Variants in CIB2 observed in about 807,000 individuals in gnomAD.
CIB2 encodes calcium and integrin-binding family member 2.
Under a neutral mutation model 23.1 loss-of-function variants are expected in CIB2, and 19 were observed. That is an observed-to-expected ratio of 0.82 (90% CI 0.57 to 1.21). The LOEUF is 1.21. Ranked by LOEUF, CIB2 falls within the 50% of genes most tolerant of loss-of-function variation. The pLI, the probability that CIB2 is intolerant of heterozygous loss-of-function variation, is 0.00. For synonymous variants in CIB2, 94 were observed against 91.7 expected, an observed-to-expected ratio of 1.03 and a Z score of -0.14; for missense variants, 220 against 241.5, an observed-to-expected ratio of 0.91 and a Z score of 0.59.
chr15:78,115,958 A>G (rs1391728227), intron 2 of CIB2, among the ~76,000 whole-genome samples: 4 of 152,078 alleles, frequency 2.6e-5, no homozygotes, highest in African/African-American at 9.7e-5. Context: ...ATCCAGGTCC[A>G]TGAGTTCTGC....
intron 2 of CIB2, among the ~76,000 whole-genome samples, chr15:78,119,031 T>C (rs1056685233): frequency 6.6e-6 from 1 of 151,824 alleles, no homozygotes; most frequent in Non-Finnish European, 1.5e-5. Context: ...AATACAAAAA[T>C]TAGCCGAGCG....
intron 1 of CIB2, among the ~76,000 whole-genome samples, chr15:78,130,785 C>T (rs188447529): frequency 6.6e-6 from 1 of 152,316 alleles, no homozygotes; most frequent in African/African-American, 2.4e-5. Context: ...CTCTCCTGGG[C>T]TCCTTCCTGG....
At chr15:78,109,047 C>T (rs562794199) in intron 4 of CIB2, among the ~76,000 whole-genome samples, 188 bp downstream of exon 4, 53 of 152,338 alleles carry the variant, frequency 3.5e-4, no homozygotes, top group African/African-American at 7.0e-4. Flanking sequence ...TCTCAGGACC[C>T]TCACAGATGT....
chr15:78,130,242 C>T (rs61347580), intron 1 of CIB2, among the ~76,000 whole-genome samples: 19,528 of 152,022 alleles, frequency 0.13, 2,752 homozygotes, highest in African/African-American at 0.35. Flanking sequence ...AAGAGATCCT[C>T]TGGAGGGGGG....
intron 2 of CIB2, among the ~76,000 whole-genome samples, chr15:78,118,675 A>G (rs2074275133): frequency 6.6e-6 from 1 of 152,152 alleles, no homozygotes. Context: ...TAAAATGCAC[A>G]TGCCATAAAG....
chr15:78,110,767 G>A (rs769163757), intron 3 of CIB2: 15 of 457,802 alleles, frequency 3.3e-5, no homozygotes, highest in Admixed American at 7.0e-5. Flanking sequence ...TAACAGGTAC[G>A]TTAAAGTCTG....
rs2141880255 is a variant in CIB2, at chr15:78,105,751, G to A, written c.530C>T (p.Pro177Leu). The A allele has an allele frequency of 1.9e-6, 3 of 1,614,124 alleles. No homozygotes were observed. The highest frequency in any genetic ancestry group is 2.5e-6 in the Non-Finnish European group (3 of 1,180,004). Residue 177 changes from proline (P) to leucine (L), a missense_variant, in exon 5 of 6, where the codon CCT becomes CTT. Physicochemically the swap from Pro to Leu is moderately conservative, Grantham distance 98. Transcript: ENST00000258930. ...ADFEDMIAKAPDFLSTFHIRI is the reference protein window; with the variant it reads ...ADFEDMIAKALDFLSTFHIRI ...GTAGTGGCAGCACCTGAGGAAGTCA[G>A]GGGCCTTGGCAATCATGTCCTCGAA...
At chr15:78,117,085 A>T (rs532575755) in intron 2 of CIB2, among the ~76,000 whole-genome samples, 1 of 151,850 alleles carries the variant, frequency 6.6e-6, no homozygotes, top group African/African-American at 2.4e-5. Context: ...ACTATTGTGC[A>T]TTCCTGATCG....
In CIB2 at chr15:78,131,219, G is replaced by GGACGCCGC; in HGVS notation, c.-5_-4insGCGGCGTC. ...AGATGGTCTGCTTGTTCCCCATGGT[G>GGACGCCGC]GCCGCCGCGCCGCCGCTCGCCCGCC... On this transcript the variant is annotated 5_prime_UTR_variant, in exon 1 of 6. Coordinates refer to ENST00000258930, the MANE Select transcript of CIB2 (RefSeq NM_006383.4). The surrounding 1 kb of genome is among the most constrained non-coding windows in gnomAD (Gnocchi z 5.8). 1 of 1,515,786 alleles carries GGACGCCGC rather than the reference G, an allele frequency of 6.6e-7. No homozygotes were observed. Among genetic ancestry groups the GGACGCCGC allele is most frequent in the Non-Finnish European group, 8.9e-7 (1 of 1,129,582 alleles). The allele number at this position is 1,515,786 out of a possible 1,614,324, so 93.9% of individuals were successfully genotyped here.
chr15:78,113,171 AGCCC>A (rs140636304), intron 2 of CIB2, among the ~76,000 whole-genome samples: 3,483 of 152,312 alleles, frequency 0.023, 85 homozygotes, highest in East Asian at 0.15. Flanking sequence ...CTGCAAGTCA[AGCCC>A]TGGTAAGCAC....
In CIB2 at chr15:78,105,161, G is replaced by GTTTT; in HGVS notation, c.*146_*149dup. ...TTCACAGGCCCCCTTCCTGGTTAAG[G>GTTTT]TTTTTTTTTTGCTGAAAGGGCCACA... On this transcript the variant is annotated 3_prime_UTR_variant, in exon 6 of 6. Transcript: ENST00000258930. 1 of 933,734 alleles carries GTTTT rather than the reference G, an allele frequency of 1.1e-6. No homozygotes were observed. Among genetic ancestry groups the GTTTT allele is most frequent in the South Asian group, 1.9e-5 (1 of 53,330 alleles). The allele number at this position is 933,734 out of a possible 1,614,324, so 57.8% of individuals were successfully genotyped here. A position where few individuals can be genotyped will look rare whatever the true frequency, so the allele number is the denominator to read the frequency against.
intron 1 of CIB2, among the ~76,000 whole-genome samples, chr15:78,128,853 G>GT (rs1176799798): frequency 3.9e-5 from 6 of 152,192 alleles, no homozygotes; most frequent in Admixed American, 3.9e-4. Context: ...GGCCCTGGCT[G>GT]TCGTGATGGA....
intron 3 of CIB2, among the ~76,000 whole-genome samples, 187 bp downstream of exon 3, chr15:78,110,978 A>C (rs570665489): frequency 6.6e-6 from 1 of 152,318 alleles, no homozygotes; most frequent in South Asian, 2.1e-4. Context: ...CAGCACCCTT[A>C]CAGAGCCCAC....
rs764856250 is a variant in CIB2 at position 78,111,154 on chromosome 15, C to T, written c.198+11G>A. ...GATCCCCTGCTCGCCAGCAAGAGGTCCTGCACATACCCGGAGCTCTGGCAT... is the reference window on the plus strand; with the variant it reads ...GATCCCCTGCTCGCCAGCAAGAGGTTCTGCACATACCCGGAGCTCTGGCAT... On this transcript the variant is annotated intron_variant, in intron 3 of 5. Transcript: ENST00000258930. 1.9e-6 allele frequency: 3 copies of T among 1,612,472 alleles called. No homozygotes were observed. The highest frequency in any genetic ancestry group is 1.3e-5 in the African/African-American group (1 of 75,022).
intron 2 of CIB2, among the ~76,000 whole-genome samples, chr15:78,111,601 T>C (rs2074160881): frequency 6.6e-6 from 1 of 152,188 alleles, no homozygotes; most frequent in South Asian, 2.1e-4. Context: ...CATAAGGGTT[T>C]TCTATGCTCA....
chr15:78,123,641 G>A, intron 2 of CIB2, 64 bp downstream of exon 2: 2 of 1,568,574 alleles, frequency 1.3e-6, no homozygotes, highest in Non-Finnish European at 1.8e-6. Flanking sequence ...CCCATGTGGG[G>A]TGCCCCAGCC....
intron 5 of CIB2, 166 bp downstream of exon 5, chr15:78,105,573 G>T: frequency 6.7e-7 from 1 of 1,493,870 alleles, no homozygotes; most frequent in South Asian, 1.3e-5. Flanking sequence ...CCCTGCAGGG[G>T]ACAAAGGCCA....
At chr15:78,113,316 G>C (rs546706919) in intron 2 of CIB2, among the ~76,000 whole-genome samples, 22 of 152,206 alleles carry the variant, frequency 1.4e-4, no homozygotes, top group Non-Finnish European at 2.9e-4. Context: ...AGACAGAGCA[G>C]GAGGGGAAAA....
At position 78,127,935 on chromosome 15, in the gene CIB2, T is replaced by TA. The variant is rs148130990; in HGVS notation, c.51+3229dup. 8.5e-5 allele frequency among the ~76,000 whole-genome samples: 13 copies of TA among 152,360 alleles called. 1 individual carries two copies. The East Asian group carries it at 2.5e-3, about 29-fold the overall frequency. ...GCTTGCTAAGGCCCACAGCATCAAC[T>TA]ACCCAGCTGACTTGAATCTAGGGCT... On this transcript the variant is annotated intron_variant, in intron 1 of 5. Transcript: ENST00000258930.
Sources: gnomAD v4.1 joint callset for allele counts (sites outside exome capture counted in the v4.1 genomes callset) on GRCh38, gnomAD v4.1.1 for gene constraint, Gnocchi (gnomAD v3.1) non-coding constraint, MANE v1.5 for transcripts, NCBI Gene and HGNC (gene_info 2026-07-23, HGNC 2026-07-21) for gene names.